Variants in URI1 observed in about 807,000 individuals in gnomAD.
URI1 encodes URI1 prefoldin like chaperone, also known as unconventional prefoldin RPB5 interactor 1.
In URI1, 39 loss-of-function variants were observed where a neutral mutation model predicts 60.2. The ratio of observed to expected loss-of-function variants is 0.65; its 90% CI spans 0.50 to 0.85. URI1 has a LOEUF of 0.85. URI1 is among the 40% of genes least tolerant of loss of function. The probability of loss-of-function intolerance (pLI) is 0.00; values close to 1 mark genes in which losing one functional copy is unlikely to be tolerated. For synonymous variants in URI1, 251 were observed against 236.8 expected, an observed-to-expected ratio of 1.06 and a Z score of -0.55; for missense variants, 691 against 665.9, an observed-to-expected ratio of 1.04 and a Z score of -0.42.
chr19:29,978,236 T>G (rs1241226473), intron 2 of URI1, among the ~76,000 whole-genome samples: 1 of 152,146 alleles, frequency 6.6e-6, no homozygotes, highest in East Asian at 1.9e-4. Context: ...TAGGAGAGTT[T>G]TTTTCCCCTG....
intron 1 of URI1, among the ~76,000 whole-genome samples, chr19:29,957,628 T>C (rs1317081261): frequency 2.0e-5 from 3 of 152,206 alleles, no homozygotes; most frequent in African/African-American, 7.2e-5. Context: ...TTTGCTTTTT[T>C]GTATATATTT....
chr19:29,952,909 T>C (rs2055197389), intron 1 of URI1, among the ~76,000 whole-genome samples: 1 of 152,176 alleles, frequency 6.6e-6, no homozygotes, highest in Non-Finnish European at 1.5e-5. Flanking sequence ...TGACTATACA[T>C]TTTGTTGCTT....
rs746143448 is a variant in URI1, at chr19:29,942,693, C to A, written c.117+29C>A. 5 of 1,363,186 alleles carry A rather than the reference C, an allele frequency of 3.7e-6. No homozygotes were observed. In the East Asian group the frequency reaches 1.4e-4, roughly 39 times the overall value. 84.4% of individuals were successfully genotyped at this position (1,363,186 alleles called of 1,614,324 possible). On this transcript the variant is annotated intron_variant, in intron 1 of 10. Coordinates refer to ENST00000392271, the MANE Select transcript of URI1 (RefSeq NM_003796.3). ...ACTAGCAGCCCCGCGCCGCTTCCGC[C>A]TCCGCCCGCCGGGCTGCCCCTGCCT...
chr19:29,971,176 A>T lies in URI1; in HGVS notation c.118-17A>T, dbSNP rs1468449948. 1 of 1,612,010 alleles carries T rather than the reference A, an allele frequency of 6.2e-7. No homozygotes were observed. The highest frequency in any genetic ancestry group is 8.5e-7 in the Non-Finnish European group (1 of 1,179,036). ...TAGCTCTGTTTTTTCATGAGTAGTT[A>T]TCTGTTTTCATGACAGGTGGTCACT... is the stretch of plus-strand genomic sequence containing the variant. On this transcript the variant is annotated splice_polypyrimidine_tract_variant and intron_variant, in intron 1 of 10. Transcript: ENST00000392271.
intron 1 of URI1, among the ~76,000 whole-genome samples, chr19:29,954,723 C>T (rs990481415): frequency 4.6e-5 from 7 of 151,834 alleles, no homozygotes; most frequent in African/African-American, 1.5e-4. Flanking sequence ...TGACCATGTT[C>T]GCCAGGGTGG....
chr19:29,936,751 T>G (rs1418208646), intron 1 of URI1, among the ~76,000 whole-genome samples: 1 of 152,090 alleles, frequency 6.6e-6, no homozygotes, highest in Non-Finnish European at 1.5e-5. Flanking sequence ...GCTCTGTTCA[T>G]TTTTCCTTTT....
intron 1 of URI1, among the ~76,000 whole-genome samples, chr19:29,930,350 T>A (rs1599645256): frequency 6.6e-6 from 1 of 152,306 alleles, no homozygotes; most frequent in African/African-American, 2.4e-5. Flanking sequence ...CATTGCCAAA[T>A]CTAAGATCAT....
chr19:29,952,888 C>G (rs548451212), intron 1 of URI1, among the ~76,000 whole-genome samples: 3 of 152,306 alleles, frequency 2.0e-5, no homozygotes, highest in African/African-American at 7.2e-5. Flanking sequence ...CCCCAAACCC[C>G]AAGTCATTTA....
rs79849828 is a variant in URI1 at position 29,988,667 on chromosome 19, G to A, written c.367+2250G>A. Among the ~76,000 whole-genome samples, 734 of 152,320 alleles carry A rather than the reference G, an allele frequency of 4.8e-3. 8 individuals carry two copies. Among genetic ancestry groups the A allele is most frequent in the African/African-American group, 0.017 (696 of 41,570 alleles). On this transcript the variant is annotated intron_variant, in intron 4 of 10. Coordinates refer to ENST00000392271, the MANE Select transcript of URI1 (RefSeq NM_003796.3). ...TGCATATCTATTAAATGCACGTACA[G>A]CAGTTTTTCCATTCACCTTTTGAGG...
At position 29,942,595 on chromosome 19, in the gene URI1, G is replaced by A. The variant is rs2055043784; in HGVS notation, c.48G>A (p.Ser16=). The A allele has an allele frequency of 2.2e-6, 3 of 1,379,934 alleles. No homozygotes were observed. Among genetic ancestry groups the A allele is most frequent in the Admixed American group, 3.0e-5 (1 of 33,134 alleles). The allele number at this position is 1,379,934 out of a possible 1,614,324, so 85.5% of individuals were successfully genotyped here. A position where few individuals can be genotyped will look rare whatever the true frequency, so the allele number is the denominator to read the frequency against. The change falls in exon 1 of 11, where the codon TCG becomes TCA. Residue 16 remains serine (S), a synonymous_variant. Coordinates refer to ENST00000392271, the MANE Select transcript of URI1 (RefSeq NM_003796.3). ...CGCCCCCCGACCCCTCGCCCCCTTC[G>A]GCCCCGGCCCCTGCCCTGGTTCCGT... ...VETPPDPSPP[S]APAPALVPLR...
chr19:29,992,701 C>T (rs185717), intron 4 of URI1, among the ~76,000 whole-genome samples: 1 of 152,130 alleles, frequency 6.6e-6, no homozygotes, highest in East Asian at 1.9e-4. Context: ...TTCTTTTTTA[C>T]GTTAGAGAGC....
chr19:29,971,116 G>A (rs575500425), intron 1 of URI1, 77 bp from the exon 2 acceptor site: 272 of 1,404,042 alleles, frequency 1.9e-4, no homozygotes, highest in Non-Finnish European at 4.0e-5. Context: ...CAATGTTCTA[G>A]TTTTCAGATA....
intron 1 of URI1, chr19:29,957,957 T>C (rs550683105): frequency 6.6e-6 from 1 of 152,122 alleles, no homozygotes; most frequent in South Asian, 2.1e-4. Context: ...CTAAAATTTT[T>C]TGTTGTTGTT....
intron 8 of URI1, 103 bp from the exon 9 acceptor site, chr19:30,010,991 G>T: frequency 1.5e-6 from 2 of 1,301,710 alleles, no homozygotes; most frequent in South Asian, 1.4e-5. Context: ...AATTTCAGCT[G>T]CCTCTCTTAC....
chr19:29,937,915 T>C (rs2054987417), upstream of URI1: 2 of 152,126 alleles, frequency 1.3e-5, no homozygotes. Flanking sequence ...ATGGCAGCTG[T>C]TTTGCATCCA....
chr19:29,951,409 CA>C (rs758281880), intron 1 of URI1, among the ~76,000 whole-genome samples: 29 of 151,696 alleles, frequency 1.9e-4, no homozygotes, highest in African/African-American at 5.8e-4. Context: ...AGAACTCTAG[CA>C]CCCCCCCCTT....
At chr19:30,005,827 C>A in intron 6 of URI1, 119 bp downstream of exon 6, 2 of 848,464 alleles carry the variant, frequency 2.4e-6, no homozygotes, top group Non-Finnish European at 3.5e-6. Context: ...CATAGGATGC[C>A]AACATTTTTC....
chr19:29,967,984 T>TG (rs1198879597), intron 1 of URI1, among the ~76,000 whole-genome samples: 1 of 152,214 alleles, frequency 6.6e-6, no homozygotes, highest in Non-Finnish European at 1.5e-5. Context: ...AGTTTTGTGT[T>TG]GCAAAGAATG....
At chr19:29,995,846 C>T (rs1016535681) in intron 4 of URI1, among the ~76,000 whole-genome samples, 5 of 152,058 alleles carry the variant, frequency 3.3e-5, no homozygotes, top group East Asian at 1.9e-4. Flanking sequence ...TTTCTCAACA[C>T]GATTTGCTGA....
Sources: gnomAD v4.1 joint callset for allele counts (sites outside exome capture counted in the v4.1 genomes callset) on GRCh38, gnomAD v4.1.1 for gene constraint, MANE v1.5 for transcripts, NCBI Gene and HGNC (gene_info 2026-07-23, HGNC 2026-07-21) for gene names.